Variants in DLGAP2 observed in about 807,000 individuals in gnomAD.
DLGAP2 encodes disks large-associated protein 2.
Under a neutral mutation model 100.3 loss-of-function variants are expected in DLGAP2, and 26 were observed. The ratio of observed to expected loss-of-function variants is 0.26; its 90% confidence interval spans 0.19 to 0.36. The LOEUF is 0.36. Among genes scored for constraint, DLGAP2 ranks in the 10% least tolerant of loss-of-function variants. The pLI is 1.00. For missense variants in DLGAP2, 1,858 were observed against 1,453.2 expected (o/e 1.28, Z -4.53); for synonymous variants, 886 against 630.1 (o/e 1.41, Z -6.08).
At chr8:1,589,428 T>C (rs567068431) in intron 6 of DLGAP2, among the ~76,000 whole-genome samples, 1 of 152,250 alleles carries the variant, frequency 6.6e-6, no homozygotes, top group South Asian at 2.1e-4. Flanking sequence ...TGTTGCCACA[T>C]TTTGTGTCTC....
Position 1,095,010 on chromosome 8 carries a change from C to T in DLGAP2, c.74-163841C>T, listed in dbSNP as rs76550820. 2.5e-3 allele frequency among the ~76,000 whole-genome samples: 376 copies of T among 152,282 alleles called. 2 individuals carry two copies. Among genetic ancestry groups the T allele is most frequent in the African/African-American group, 8.6e-3 (358 of 41,556 alleles). On this transcript the variant is annotated intron_variant, in intron 2 of 14. Coordinates refer to ENST00000637795, the MANE Select transcript of DLGAP2 (RefSeq NM_001346810.2). ...TCAGCAGCCTGCTCCAGGTGGACCA[C>T]CTTCCCAAGGTGGAGCAAGACAGCC... is the stretch of plus-strand genomic sequence containing the variant.
intron 3 of DLGAP2, among the ~76,000 whole-genome samples, chr8:1,266,292 C>A (rs897801402): frequency 3.9e-5 from 6 of 152,244 alleles, no homozygotes; most frequent in Non-Finnish European, 8.8e-5. Flanking sequence ...ACCCAAGCAG[C>A]CATGCTTTTA....
chr8:1,353,883 T>C (rs1801789805), intron 3 of DLGAP2, among the ~76,000 whole-genome samples: 1 of 152,142 alleles, frequency 6.6e-6, no homozygotes, highest in Non-Finnish European at 1.5e-5. Context: ...TTAATATCCC[T>C]AGAGGGGAAA....
intron 2 of DLGAP2, among the ~76,000 whole-genome samples, chr8:1,034,435 A>G (rs1319176664): frequency 7.1e-5 from 1 of 14,026 alleles, no homozygotes; most frequent in Non-Finnish European, 1.1e-4. Context: ...CCGCGAGTGG[A>G]TTCACACGCT....
chr8:918,598 C>G (rs1326320615), intron 2 of DLGAP2, among the ~76,000 whole-genome samples: 2 of 152,196 alleles, frequency 1.3e-5, no homozygotes, highest in African/African-American at 4.8e-5. Context: ...GTGTTGTTGT[C>G]TTTGTGAACA....
At chr8:1,564,312 A>C (rs374964247) in intron 5 of DLGAP2, among the ~76,000 whole-genome samples, 1 of 152,128 alleles carries the variant, frequency 6.6e-6, no homozygotes, top group Non-Finnish European at 1.5e-5. Flanking sequence ...GCTCATGGCT[A>C]TGTTGGGTTT....
At position 1,430,027 on chromosome 8, in the gene DLGAP2, T is replaced by TATATATATATATATATATATAC. The variant is rs1282725274; in HGVS notation, c.107-71338_107-71337insTATATATATATATATATATACA. The stretch of plus-strand genomic sequence containing the variant: ...ATATACATATATATATATATATATA[T>TATATATATATATATATATATAC]ACACACACACACATATGAACTTAGA... On this transcript the variant is annotated intron_variant, in intron 3 of 14. Coordinates refer to ENST00000637795, the MANE Select transcript of DLGAP2 (RefSeq NM_001346810.2). Among the ~76,000 whole-genome samples, 184 of 76,792 alleles carry TATATATATATATATATATATAC rather than the reference T, an allele frequency of 2.4e-3. 2 individuals are homozygous for TATATATATATATATATATATAC. Among genetic ancestry groups the TATATATATATATATATATATAC allele is most frequent in the Non-Finnish European group, 3.3e-3 (133 of 40,080 alleles). 50.4% of individuals were successfully genotyped at this position (76,792 alleles called of 152,430 possible).
intron 1 of DLGAP2, chr8:753,341 C>T (rs1820840381): frequency 6.6e-6 from 1 of 152,198 alleles, no homozygotes; most frequent in South Asian, 2.1e-4. Context: ...GTTTCCAGCT[C>T]ACAGGGCCCT....
chr8:984,217 G>C (rs1800423113), intron 2 of DLGAP2, among the ~76,000 whole-genome samples: 1 of 152,156 alleles, frequency 6.6e-6, no homozygotes, highest in Non-Finnish European at 1.5e-5. Flanking sequence ...GCCGACACCT[G>C]ACCTTGGGCA....
chr8:900,950 G>C (rs931380469), intron 1 of DLGAP2, among the ~76,000 whole-genome samples: 3 of 152,248 alleles, frequency 2.0e-5, no homozygotes, highest in African/African-American at 7.2e-5. Context: ...AAAAGTGGAA[G>C]GATATGAGTT....
intron 3 of DLGAP2, among the ~76,000 whole-genome samples, chr8:1,474,896 A>G (rs1421782881): frequency 6.6e-6 from 1 of 152,214 alleles, no homozygotes; most frequent in Non-Finnish European, 1.5e-5. Context: ...TAGCCAAAGA[A>G]AAATAAATCA....
At chr8:1,332,047 G>C (rs1474061086) in intron 3 of DLGAP2, among the ~76,000 whole-genome samples, 1 of 152,226 alleles carries the variant, frequency 6.6e-6, no homozygotes, top group African/African-American at 2.4e-5. Flanking sequence ...AACCAGTGTT[G>C]GGGTGCAGCC....
At chr8:1,678,760 A>G (rs1798873362) in intron 12 of DLGAP2, 131 bp downstream of exon 12, 1 of 982,054 alleles carries the variant, frequency 1.0e-6, no homozygotes. Context: ...TGTGCTTTCT[A>G]GTATATCCCC....
chr8:1,388,712 C>G (rs1250717851), intron 3 of DLGAP2, among the ~76,000 whole-genome samples: 2 of 89,110 alleles, frequency 2.2e-5, no homozygotes, highest in Non-Finnish European at 4.8e-5. Context: ...AGGCAGAGGC[C>G]GTGGATGAGG....
At chr8:1,250,274 G>A (rs2116878726) in intron 2 of DLGAP2, 1 of 152,352 alleles carries the variant, frequency 6.6e-6, no homozygotes, top group Non-Finnish European at 1.5e-5. Flanking sequence ...ATGGCGAGCA[G>A]AGAGGCTGAG....
intron 1 of DLGAP2, among the ~76,000 whole-genome samples, chr8:831,526 C>G (rs1482106037): frequency 2.0e-5 from 3 of 152,136 alleles, no homozygotes; most frequent in Non-Finnish European, 4.4e-5. Flanking sequence ...TCATCCATGT[C>G]CCTGCAAAGG....
chr8:1,256,241 T>TGTGTGTGTGTCCTCTCCTGCCTGGGA (rs1799211333), intron 2 of DLGAP2, among the ~76,000 whole-genome samples: 2 of 103,208 alleles, frequency 1.9e-5, no homozygotes, highest in African/African-American at 9.5e-5. Context: ...CCTGCCCGGG[T>TGTGTGTGTGTCCTCTCCTGCCTGGGA]GCTGTGTGTG....
intron 2 of DLGAP2, among the ~76,000 whole-genome samples, chr8:1,228,794 C>T (rs531788059): frequency 1.4e-4 from 22 of 152,256 alleles, no homozygotes; most frequent in African/African-American, 5.1e-4. Flanking sequence ...CTTAAAATAA[C>T]ATATACGAAC....
At chr8:1,210,440 T>C (rs1454230938) in intron 2 of DLGAP2, among the ~76,000 whole-genome samples, 1 of 152,186 alleles carries the variant, frequency 6.6e-6, no homozygotes, top group African/African-American at 2.4e-5. Flanking sequence ...TCCATGTTCA[T>C]TCAAGAGCAG....
Sources: allele counts gnomAD v4.1 joint callset (sites outside exome capture counted in the v4.1 genomes callset), GRCh38; gene constraint gnomAD v4.1.1; transcripts MANE v1.5; gene names NCBI Gene and HGNC (gene_info 2026-07-23, HGNC 2026-07-21).